SOX6: variants seen among roughly 807,000 people sequenced by gnomAD.
The protein encoded by SOX6 is SRY-box transcription factor 6, also known as transcription factor SOX-6.
A neutral mutation model predicts 97.8 loss-of-function variants in SOX6; 11 were observed. The observed-to-expected ratio is 0.11, with a 90% CI of 0.07 to 0.19. The LOEUF (loss-of-function observed/expected upper bound fraction) is 0.19, where lower values mean the gene tolerates loss of function less well. Among genes scored for constraint, SOX6 ranks in the 10% least tolerant of loss-of-function variants. The pLI, the probability that SOX6 is intolerant of heterozygous loss-of-function variation, is 1.00. For missense variants in SOX6, 810 were observed against 1,039.5 expected, an observed-to-expected ratio of 0.78 and a Z score of 3.04; for synonymous variants, 360 against 371.4, an observed-to-expected ratio of 0.97 and a Z score of 0.35.
chr11:16,132,405 G>GAA (rs1248010884), intron 6 of SOX6, among the ~76,000 whole-genome samples: 7 of 47,606 alleles, frequency 1.5e-4, no homozygotes, highest in South Asian at 7.7e-4. Flanking sequence ...AAAGAAAAAA[G>GAA]AAAGAAAGAA....
chr11:16,501,985 A>T (rs557631438), intron 4 of SOX6, among the ~76,000 whole-genome samples: 28 of 152,188 alleles, frequency 1.8e-4, no homozygotes, highest in African/African-American at 4.8e-4. Context: ...GGATTATAAA[A>T]CATGCTGCTA....
intron 3 of SOX6, among the ~76,000 whole-genome samples, chr11:16,635,194 A>C (rs1848766783): frequency 6.6e-6 from 1 of 152,234 alleles, no homozygotes; most frequent in Non-Finnish European, 1.5e-5. Flanking sequence ...ACTGGGTAAC[A>C]GGCAGAGGTT....
chr11:16,703,956 CA>C (rs1848112990), intron 3 of SOX6, among the ~76,000 whole-genome samples: 1 of 152,164 alleles, frequency 6.6e-6, no homozygotes, highest in Non-Finnish European at 1.5e-5. Context: ...CACTTTTTAA[CA>C]GCTCTTTTGT....
intron 4 of SOX6, among the ~76,000 whole-genome samples, chr11:16,512,630 G>GT (rs768319985): frequency 4.9e-4 from 74 of 151,738 alleles, no homozygotes; most frequent in Non-Finnish European, 5.0e-4. Flanking sequence ...AAATATTGAA[G>GT]TTTTTTTTTA....
chr11:16,058,938 C>G (rs1847881683), intron 9 of SOX6, among the ~76,000 whole-genome samples: 1 of 152,050 alleles, frequency 6.6e-6, no homozygotes, highest in African/African-American at 2.4e-5. Flanking sequence ...CTATTTTCAA[C>G]CAGTCATCCT....
intron 3 of SOX6, among the ~76,000 whole-genome samples, chr11:16,294,239 T>A (rs1230008103): frequency 2.0e-5 from 3 of 151,988 alleles, no homozygotes; most frequent in Non-Finnish European, 4.4e-5. Context: ...CTAGAAAAAT[T>A]GCCATATATC....
chr11:16,296,410 C>A (rs1377309035), intron 3 of SOX6, among the ~76,000 whole-genome samples: 1 of 152,086 alleles, frequency 6.6e-6, no homozygotes. Flanking sequence ...AATCAAATAA[C>A]AACTAAGACA....
At chr11:16,516,810 C>A (rs1326521467) in intron 4 of SOX6, among the ~76,000 whole-genome samples, 4 of 151,246 alleles carry the variant, frequency 2.6e-5, no homozygotes, top group Non-Finnish European at 5.9e-5. Flanking sequence ...AAGAGGGAAT[C>A]CTCCCTAACT....
chr11:15,984,439 T>C (rs992613009), intron 15 of SOX6, among the ~76,000 whole-genome samples: 2 of 152,100 alleles, frequency 1.3e-5, no homozygotes, highest in Non-Finnish European at 2.9e-5. Context: ...TCACAAGAGG[T>C]CCCAAACTTA....
chr11:16,200,144 G>T, intron 4 of SOX6, among the ~76,000 whole-genome samples: 1 of 151,998 alleles, frequency 6.6e-6, no homozygotes, highest in East Asian at 1.9e-4. Context: ...TTATACTTTA[G>T]ATAAAAAACA....
chr11:16,460,480 T>G (rs1488510996), intron 1 of SOX6, among the ~76,000 whole-genome samples: 2 of 152,084 alleles, frequency 1.3e-5, no homozygotes, highest in Non-Finnish European at 2.9e-5. Context: ...GTAATATGAA[T>G]GACAAGGATC....
intron 4 of SOX6, among the ~76,000 whole-genome samples, chr11:16,226,310 A>C (rs1262102224): frequency 7.0e-6 from 1 of 143,750 alleles, no homozygotes; most frequent in Non-Finnish European, 1.5e-5. Context: ...GCTATCACAT[A>C]ATTGTGTTTT....
intron 3 of SOX6, among the ~76,000 whole-genome samples, chr11:16,241,866 G>A (rs1829417): frequency 0.78 from 118,195 of 151,930 alleles, 46,122 homozygotes; most frequent in Non-Finnish European, 0.8. Context: ...CAGTAAGAAT[G>A]GATACAGAAA....
intron 3 of SOX6, among the ~76,000 whole-genome samples, chr11:16,688,123 C>G (rs1411794632): frequency 6.6e-6 from 1 of 151,992 alleles, no homozygotes; most frequent in Non-Finnish European, 1.5e-5. Context: ...CAGGTGCACA[C>G]CACCACACCT....
At chr11:16,560,614 T>C (rs1017675169) in intron 4 of SOX6, among the ~76,000 whole-genome samples, 8 of 137,130 alleles carry the variant, frequency 5.8e-5, no homozygotes, top group Middle Eastern at 3.4e-3. Flanking sequence ...TGTTTATACG[T>C]ACATATATGT....
intron 2 of SOX6, among the ~76,000 whole-genome samples, chr11:16,731,836 T>C (rs1007656484): frequency 6.6e-6 from 1 of 152,180 alleles, no homozygotes; most frequent in Non-Finnish European, 1.5e-5. Flanking sequence ...TTGCATATTT[T>C]GAAAACACCA....
intron 4 of SOX6, among the ~76,000 whole-genome samples, chr11:16,232,356 T>C (rs1046798655): frequency 2.0e-5 from 3 of 151,948 alleles, no homozygotes; most frequent in Non-Finnish European, 4.4e-5. Context: ...GAGATGATAA[T>C]GGAGAATAAA....
chr11:16,182,488 A>G (rs1259551075), intron 6 of SOX6, among the ~76,000 whole-genome samples: 2 of 151,828 alleles, frequency 1.3e-5, no homozygotes. Context: ...TAAGGGCAGA[A>G]CAAGGGAACA....
At position 16,709,011 on chromosome 11, in the gene SOX6, A is replaced by G. The variant is rs2134046334; in HGVS notation, n.429+5819T>C. The stretch of plus-strand genomic sequence containing the variant: ...GTTTAAATGACCCAAAATGTTTTGC[A>G]TTGCCAATACAGAATGAAGAGGTGG... On this transcript the variant is annotated intron_variant and non_coding_transcript_variant, in intron 3 of 5. Coordinates refer to the SOX6 transcript ENST00000524520. 2.6e-5 allele frequency among the ~76,000 whole-genome samples: 4 copies of G among 152,350 alleles called. No individual in the cohort carries two copies. The Middle Eastern group carries it at 0.014, about 518-fold the overall frequency.
Sources: allele counts gnomAD v4.1 joint callset (sites outside exome capture counted in the v4.1 genomes callset), GRCh38; gene constraint gnomAD v4.1.1; transcripts MANE v1.5; gene names NCBI Gene and HGNC (gene_info 2026-07-23, HGNC 2026-07-21).